PRKCA: variants seen among roughly 807,000 people sequenced by gnomAD.
PRKCA encodes the protein protein kinase C alpha type.
PRKCA carries 27 observed loss-of-function variants against 87.0 expected under a neutral mutation model. The observed-to-expected ratio is 0.31, with a 90% CI of 0.23 to 0.43. The LOEUF is 0.43. Ranked by LOEUF, PRKCA falls within the 20% of genes least tolerant of loss-of-function variation. The probability of loss-of-function intolerance (pLI) is 1.00; values close to 1 mark genes in which losing one functional copy is unlikely to be tolerated. For synonymous variants in PRKCA, 329 were observed against 311.1 expected (o/e 1.06, Z -0.61); for missense variants, 518 against 852.3 (o/e 0.61, Z 4.88).
intron 2 of PRKCA, among the ~76,000 whole-genome samples, chr17:66,451,731 G>A (rs1425849676): frequency 1.3e-5 from 2 of 152,110 alleles, no homozygotes; most frequent in African/African-American, 4.8e-5. Context: ...GCCGGGGCAA[G>A]GAAGGATCCC....
intron 2 of PRKCA, among the ~76,000 whole-genome samples, chr17:66,418,486 A>G (rs1178344826): frequency 1.3e-5 from 2 of 148,876 alleles, no homozygotes; most frequent in African/African-American, 5.0e-5. Flanking sequence ...ACCAGGCTGG[A>G]GTGCAGTGGC....
intron 3 of PRKCA, among the ~76,000 whole-genome samples, chr17:66,583,213 C>T (rs1969495761): frequency 6.6e-6 from 1 of 152,078 alleles, no homozygotes; most frequent in African/African-American, 2.4e-5. Context: ...TATATGATCT[C>T]CAGATTAGAG....
Position 66,357,639 on chromosome 17 carries a change from C to T in PRKCA, c.205+51512C>T, listed in dbSNP as rs1038116299. On this transcript the variant is annotated intron_variant, in intron 2 of 16. Transcript: ENST00000413366. ...TTAACTTTTCCTGGCAGAGTTTTCT[C>T]GTTTATAAAATAGAAATAATACTAC... is the stretch of plus-strand genomic sequence containing the variant. Among the ~76,000 whole-genome samples the T allele has an allele frequency of 7.9e-5, 12 of 152,112 alleles. No homozygotes were observed. The East Asian group carries it at 2.1e-3, about 27-fold the overall frequency.
At chr17:66,774,348 C>T (rs937814396) in intron 14 of PRKCA, 19 of 1,235,492 alleles carry the variant, frequency 1.5e-5, no homozygotes, top group African/African-American at 1.4e-4. Flanking sequence ...TGGCCAGGCG[C>T]GGTGGCTCAT....
At chr17:66,461,381 T>C (rs1306543440) in intron 2 of PRKCA, among the ~76,000 whole-genome samples, 2 of 152,190 alleles carry the variant, frequency 1.3e-5, no homozygotes, top group Non-Finnish European at 2.9e-5. Context: ...GCATATGTCA[T>C]TGGCACATTT....
intron 2 of PRKCA, among the ~76,000 whole-genome samples, chr17:66,472,883 C>G (rs911280256): frequency 1.3e-5 from 2 of 152,142 alleles, no homozygotes; most frequent in Non-Finnish European, 1.5e-5. Context: ...CCGAACTTGC[C>G]TAATTTGTGG....
intron 2 of PRKCA, among the ~76,000 whole-genome samples, chr17:66,309,427 T>C (rs540565660): frequency 6.6e-6 from 1 of 152,294 alleles, no homozygotes; most frequent in African/African-American, 2.4e-5. Flanking sequence ...ATTCTCATGT[T>C]CCCTTCATGG....
intron 2 of PRKCA, among the ~76,000 whole-genome samples, chr17:66,315,722 C>T (rs1348639061): frequency 2.0e-5 from 3 of 152,070 alleles, no homozygotes; most frequent in East Asian, 1.9e-4. Context: ...TCAGGTGATC[C>T]GCCTGCCTCG....
In PRKCA at chr17:66,380,929, T is replaced by C. The variant is rs9915990; in HGVS notation, c.205+74802T>C. ...CCTTATAAAGAATCTAAGGTATTTT[T>C]ATTTTTTATTTTTCTTTTTTTTTTT... On this transcript the variant is annotated intron_variant, in intron 2 of 16. Transcript: ENST00000413366. Among the ~76,000 whole-genome samples, 1,345 of 150,112 alleles carry C rather than the reference T, an allele frequency of 9.0e-3. 22 individuals are homozygous for C. The highest frequency in any genetic ancestry group is 0.031 in the African/African-American group (1,288 of 41,198).
chr17:66,421,058 C>T (rs1204242791), intron 2 of PRKCA, among the ~76,000 whole-genome samples: 3 of 152,296 alleles, frequency 2.0e-5, no homozygotes, highest in Non-Finnish European at 2.9e-5. Context: ...GGAGTCCAAG[C>T]GTCATTGCAC....
intron 5 of PRKCA, 83 bp downstream of exon 5, chr17:66,645,594 G>A: frequency 6.3e-7 from 1 of 1,574,898 alleles, no homozygotes; most frequent in African/African-American, 1.3e-5. Flanking sequence ...GGTGGGGGCT[G>A]GGCTGGATGC....
At chr17:66,372,344 G>T (rs952635721) in intron 2 of PRKCA, among the ~76,000 whole-genome samples, 6 of 152,110 alleles carry the variant, frequency 3.9e-5, no homozygotes, top group Non-Finnish European at 8.8e-5. Flanking sequence ...ATATACCATT[G>T]GAGACACCCA....
chr17:66,499,925 G>T (rs1028466491), intron 3 of PRKCA, among the ~76,000 whole-genome samples: 1 of 152,120 alleles, frequency 6.6e-6, no homozygotes, highest in African/African-American at 2.4e-5. Context: ...ATCTCATGCC[G>T]AATGTGTCTG....
chr17:66,480,919 C>T (rs1242873479), intron 2 of PRKCA, among the ~76,000 whole-genome samples: 1 of 152,114 alleles, frequency 6.6e-6, no homozygotes. Context: ...GTTCCTTCCC[C>T]CGGTGCTTGA....
intron 9 of PRKCA, among the ~76,000 whole-genome samples, chr17:66,734,361 A>G (rs1440795014): frequency 6.6e-6 from 1 of 152,220 alleles, no homozygotes; most frequent in African/African-American, 2.4e-5. Context: ...TTTATTATTC[A>G]TGAGTTTTCT....
At chr17:66,498,327 C>G (rs947724002) in intron 3 of PRKCA, among the ~76,000 whole-genome samples, 1 of 152,160 alleles carries the variant, frequency 6.6e-6, no homozygotes, top group Admixed American at 6.5e-5. Context: ...CTTTCACTTC[C>G]TTGCTCATCA....
Position 66,302,755 on chromosome 17 carries a change from T to G in PRKCA, c.-97T>G. The G allele has an allele frequency of 1.0e-6, 1 of 987,400 alleles. No homozygotes were observed. 61.2% of individuals were successfully genotyped at this position (987,400 alleles called of 1,614,324 possible). On this transcript the variant is annotated 5_prime_UTR_variant, in exon 1 of 17. Coordinates refer to ENST00000413366, the MANE Select transcript of PRKCA (RefSeq NM_002737.3). ...ACCGGCCCGCGCCCCGCGCCCGGGG[T>G]CGCCCCGAGCCCGCACCTCTCCCCC...
chr17:66,744,806 T>C (rs1224993837), intron 13 of PRKCA, among the ~76,000 whole-genome samples: 1 of 152,206 alleles, frequency 6.6e-6, no homozygotes. Context: ...TGGGCAGGGC[T>C]GGTTTCTTCT....
intron 2 of PRKCA, among the ~76,000 whole-genome samples, chr17:66,414,818 A>G (rs1025955576): frequency 4.6e-5 from 7 of 152,212 alleles, no homozygotes; most frequent in Admixed American, 4.6e-4. Flanking sequence ...TCCTGCATGT[A>G]CTATATGCCA....
Sources: gnomAD v4.1 joint callset for allele counts (sites outside exome capture counted in the v4.1 genomes callset) on GRCh38, gnomAD v4.1.1 for gene constraint, MANE v1.5 for transcripts, NCBI Gene and HGNC (gene_info 2026-07-23, HGNC 2026-07-21) for gene names.